Variants in PRKAR1B observed in about 807,000 individuals in gnomAD.
The protein encoded by PRKAR1B is protein kinase cAMP-dependent type I regulatory subunit beta.
In PRKAR1B, 22 loss-of-function variants were observed where a neutral mutation model predicts 46.5. The observed-to-expected ratio is 0.47, with a 90% confidence interval of 0.34 to 0.68. The LOEUF (loss-of-function observed/expected upper bound fraction) is 0.68. Among genes scored for constraint, PRKAR1B ranks in the 30% least tolerant of loss-of-function variants. The probability of loss-of-function intolerance (pLI) is 0.01; values close to 1 mark genes in which losing one functional copy is unlikely to be tolerated. For synonymous variants in PRKAR1B, 259 were observed against 217.7 expected, an observed-to-expected ratio of 1.19 and a Z score of -1.67; for missense variants, 445 against 535.6, an observed-to-expected ratio of 0.83 and a Z score of 1.67.
rs186653392 is a variant in PRKAR1B, at chr7:633,595, C to T, written c.441-26143G>A. On this transcript the variant is annotated intron_variant, in intron 4 of 10. Coordinates refer to ENST00000537384, the MANE Select transcript of PRKAR1B (RefSeq NM_001164760.2). Reference sequence around the variant, plus strand: ...CCGGGGCAATACAGCAAGACCCCATCTCTACAAAAAATTTCAAAATTAGCT... The same window carrying T: ...CCGGGGCAATACAGCAAGACCCCATTTCTACAAAAAATTTCAAAATTAGCT... Among the ~76,000 whole-genome samples, 291 of 152,264 alleles carry T rather than the reference C, an allele frequency of 1.9e-3. 1 individual carries two copies. Among genetic ancestry groups the T allele is most frequent in the African/African-American group, 6.8e-3 (283 of 41,538 alleles).
rs769375611 is a variant in PRKAR1B at position 550,604 on chromosome 7, T to C, written c.974-2A>G. ...GGTTCAGCAGCAGTGCAATCTCCCC[T>C]GGGGGTTGAAGAGAGAGGTCAGGGC... is the stretch of plus-strand genomic sequence containing the variant. On this transcript the variant is annotated splice_acceptor_variant, in intron 10 of 10. Coordinates refer to ENST00000537384, the MANE Select transcript of PRKAR1B (RefSeq NM_001164760.2). LOFTEE classifies it high-confidence loss of function. 1 of 1,559,614 alleles carries C rather than the reference T, an allele frequency of 6.4e-7. No homozygotes were observed. The highest frequency in any genetic ancestry group is 8.6e-7 in the Non-Finnish European group (1 of 1,157,014).
At chr7:642,035 G>T (rs916215330) in intron 4 of PRKAR1B, among the ~76,000 whole-genome samples, 1 of 151,992 alleles carries the variant, frequency 6.6e-6, no homozygotes, top group Non-Finnish European at 1.5e-5. Flanking sequence ...TCCCCAAGTG[G>T]CTGGGACTCC....
At chr7:623,706 T>G (rs1003696398) in intron 4 of PRKAR1B, among the ~76,000 whole-genome samples, 8 of 152,342 alleles carry the variant, frequency 5.3e-5, no homozygotes, top group Non-Finnish European at 8.8e-5. Context: ...CCCAAGCTCC[T>G]TCCTCCACCG....
At chr7:567,666 C>A (rs1382416301) in intron 9 of PRKAR1B, among the ~76,000 whole-genome samples, 8 of 152,160 alleles carry the variant, frequency 5.3e-5, no homozygotes, top group Non-Finnish European at 7.3e-5. Context: ...GTGGGCCACT[C>A]AAACAACGGA....
Position 665,188 on chromosome 7 carries a change from G to A in PRKAR1B, c.440+12041C>T, listed in dbSNP as rs538632826. On this transcript the variant is annotated intron_variant, in intron 4 of 10. Transcript: ENST00000537384. ...TGTTATTAGCTGGAAAACGCTAGGC[G>A]TGTGGAAAATGACTGTTCTCTTAAA... Among the ~76,000 whole-genome samples the A allele has an allele frequency of 6.6e-5, 10 of 152,288 alleles. No individual in the cohort carries two copies. The East Asian group carries it at 1.2e-3, about 18-fold the overall frequency.
intron 9 of PRKAR1B, among the ~76,000 whole-genome samples, chr7:562,555 C>T (rs1778868164): frequency 6.6e-6 from 1 of 152,216 alleles, no homozygotes; most frequent in Admixed American, 6.5e-5. Context: ...CCCTCTCCAC[C>T]AGGCCTGCAC....
chr7:660,697 A>G (rs1785479539), intron 4 of PRKAR1B, among the ~76,000 whole-genome samples: 1 of 99,520 alleles, frequency 1.0e-5, no homozygotes, highest in Non-Finnish European at 2.0e-5. Context: ...ACCCCAACAA[A>G]TCCAAATACC....
At chr7:698,806 A>T (rs1248595374) in intron 2 of PRKAR1B, among the ~76,000 whole-genome samples, 1 of 152,032 alleles carries the variant, frequency 6.6e-6, no homozygotes, top group East Asian at 1.9e-4. Context: ...CTGTGTGTGC[A>T]TGTGTGTGCA....
intron 2 of PRKAR1B, among the ~76,000 whole-genome samples, chr7:701,972 G>C (rs1010846249): frequency 6.6e-6 from 1 of 152,202 alleles, no homozygotes; most frequent in South Asian, 2.1e-4. Flanking sequence ...ACATCTTCTA[G>C]ACTATTTGCC....
intron 4 of PRKAR1B, among the ~76,000 whole-genome samples, chr7:628,951 G>A (rs1475205628): frequency 6.6e-6 from 1 of 152,180 alleles, no homozygotes; most frequent in Non-Finnish European, 1.5e-5. Context: ...GGGCACTCGT[G>A]TTCTGACGCC....
Position 602,128 on chromosome 7 carries a change from AG to A in PRKAR1B, c.549+4064del, listed in dbSNP as rs1455357500. On this transcript the variant is annotated intron_variant, in intron 6 of 10. Coordinates refer to ENST00000537384, the MANE Select transcript of PRKAR1B (RefSeq NM_001164760.2). This position sits in a 1 kb window ranked among gnomAD's most constrained non-coding sequence, Gnocchi z 6.4. ...ACCGTCTCCCCTCCACTCAGGCTTC[AG>A]CCCCGACCCCACGCTAACTGGGCCA... Among the ~76,000 whole-genome samples, 1 of 152,082 alleles carries A rather than the reference AG, an allele frequency of 6.6e-6. No individual in the cohort carries two copies. Among genetic ancestry groups the A allele is most frequent in the Non-Finnish European group, 1.5e-5 (1 of 67,998 alleles).
chr7:553,278 A>T (rs190287034), intron 9 of PRKAR1B, among the ~76,000 whole-genome samples: 2 of 152,310 alleles, frequency 1.3e-5, no homozygotes, highest in East Asian at 3.9e-4. Flanking sequence ...AAACACCCTC[A>T]GCAGGTGTTG....
At chr7:634,137 C>T (rs1783908976) in intron 4 of PRKAR1B, among the ~76,000 whole-genome samples, 1 of 152,172 alleles carries the variant, frequency 6.6e-6, no homozygotes, top group Non-Finnish European at 1.5e-5. Context: ...ATTCTCCTGC[C>T]TCAGCCTCCC....
chr7:676,523 C>T (rs1778307061), intron 4 of PRKAR1B, among the ~76,000 whole-genome samples: 1 of 152,242 alleles, frequency 6.6e-6, no homozygotes, highest in Non-Finnish European at 1.5e-5. Flanking sequence ...AATCACACCA[C>T]CTGTGCCTGC....
At chr7:551,084 T>C (rs1405327247) in intron 10 of PRKAR1B, among the ~76,000 whole-genome samples, 2 of 152,048 alleles carry the variant, frequency 1.3e-5, no homozygotes, top group Non-Finnish European at 2.9e-5. Flanking sequence ...GCAGGAATGC[T>C]GGTGGCTGAT....
intron 4 of PRKAR1B, among the ~76,000 whole-genome samples, chr7:641,711 G>C (rs1784397851): frequency 6.6e-6 from 1 of 152,152 alleles, no homozygotes; most frequent in Non-Finnish European, 1.5e-5. Context: ...CTGAGTGAAA[G>C]AAGCCAGACA....
chr7:631,500 G>A (rs983507736), intron 4 of PRKAR1B, among the ~76,000 whole-genome samples: 1 of 152,208 alleles, frequency 6.6e-6, no homozygotes, highest in African/African-American at 2.4e-5. Flanking sequence ...CCAGCACCCA[G>A]ACAGAAGCCA....
chr7:715,989 A>C (rs971533428), intron 1 of PRKAR1B, among the ~76,000 whole-genome samples: 27 of 151,864 alleles, frequency 1.8e-4, no homozygotes, highest in Non-Finnish European at 3.5e-4. Context: ...TGCTGGGATT[A>C]CAGGCGTGAG....
intron 4 of PRKAR1B, among the ~76,000 whole-genome samples, chr7:651,252 G>A (rs1784888378): frequency 6.6e-6 from 1 of 152,212 alleles, no homozygotes; most frequent in African/African-American, 2.4e-5. Flanking sequence ...GATTGCAAGG[G>A]GCAAACCAGG....
Sources: allele counts gnomAD v4.1 joint callset (sites outside exome capture counted in the v4.1 genomes callset), GRCh38; gene constraint gnomAD v4.1.1; non-coding constraint Gnocchi (gnomAD v3.1); transcripts MANE v1.5; gene names NCBI Gene and HGNC (gene_info 2026-07-23, HGNC 2026-07-21).